The following CSMD3 variants were observed in gnomAD, a reference collection of about 807,000 sequenced individuals.
CSMD3 encodes the protein CUB and Sushi multiple domains 3.
CSMD3 carries 177 observed loss-of-function variants against 435.2 expected under a neutral mutation model. The observed-to-expected ratio is 0.41, with a 90% CI of 0.36 to 0.46. The LOEUF (loss-of-function observed/expected upper bound fraction) is 0.46. Among genes scored for constraint, CSMD3 ranks in the 20% least tolerant of loss-of-function variants. CSMD3 has a pLI of 0.34. For synonymous variants in CSMD3, 1,656 were observed against 1,520.5 expected (o/e 1.09, Z -2.07); for missense variants, 4,265 against 4,504.6 (o/e 0.95, Z 1.52).
chr8:112,973,337 A>T (rs1480023767), intron 7 of CSMD3, among the ~76,000 whole-genome samples: 2 of 151,952 alleles, frequency 1.3e-5, no homozygotes, highest in East Asian at 3.8e-4. Context: ...TTGAAAAAGT[A>T]ACTTAAAAGA....
chr8:112,286,912 T>C (rs527782485), intron 58 of CSMD3, 152 bp downstream of exon 58: 2 of 687,808 alleles, frequency 2.9e-6, no homozygotes, highest in East Asian at 2.7e-5. Flanking sequence ...TCTTAGGAGA[T>C]GGTTACAGTA....
At chr8:112,506,403 G>C (rs575142627) in intron 29 of CSMD3, among the ~76,000 whole-genome samples, 84 of 152,186 alleles carry the variant, frequency 5.5e-4, no homozygotes, top group African/African-American at 1.6e-3. Context: ...AAATCACTGA[G>C]TTGCTATTAC....
At chr8:113,191,219 A>G (rs533804061) in intron 3 of CSMD3, among the ~76,000 whole-genome samples, 10 of 151,976 alleles carry the variant, frequency 6.6e-5, no homozygotes, top group Admixed American at 5.9e-4. Flanking sequence ...ATTCCATGAT[A>G]GTTTCTATGG....
At chr8:112,397,856 C>T in intron 35 of CSMD3, among the ~76,000 whole-genome samples, 1 of 152,208 alleles carries the variant, frequency 6.6e-6, no homozygotes, top group East Asian at 1.9e-4. Context: ...ATGCAAAATA[C>T]ATTCATTCCA....
intron 66 of CSMD3, among the ~76,000 whole-genome samples, chr8:112,240,905 T>C (rs1225340928): frequency 1.3e-5 from 2 of 152,056 alleles, no homozygotes; most frequent in Non-Finnish European, 1.5e-5. Flanking sequence ...CTCGCATCCA[T>C]GTAAGACAGG....
intron 43 of CSMD3, 111 bp from the exon 44 acceptor site, chr8:112,336,940 CTTG>C: frequency 1.2e-6 from 1 of 868,860 alleles, no homozygotes; most frequent in Non-Finnish European, 1.9e-6. Context: ...ACATTTATGC[CTTG>C]TTTTTACTTC....
chr8:112,960,091 A>G (rs901121174), intron 7 of CSMD3, among the ~76,000 whole-genome samples: 1 of 151,828 alleles, frequency 6.6e-6, no homozygotes, highest in Non-Finnish European at 1.5e-5. Flanking sequence ...GGGGAGTTAT[A>G]AAATTATTTA....
At chr8:113,112,797 T>G (rs1420820310) in intron 4 of CSMD3, among the ~76,000 whole-genome samples, 2 of 152,094 alleles carry the variant, frequency 1.3e-5, no homozygotes, top group East Asian at 3.9e-4. Flanking sequence ...TGGGATTTTT[T>G]GTTTAGTTTT....
chr8:112,773,207 G>A (rs994688057), intron 13 of CSMD3, among the ~76,000 whole-genome samples: 2 of 151,992 alleles, frequency 1.3e-5, no homozygotes, highest in Non-Finnish European at 2.9e-5. Context: ...AAATGGATCA[G>A]AGAGAAAGTA....
rs190491073 is a variant in CSMD3, at chr8:112,784,462, A to G, written c.1972+15700T>C. Among the ~76,000 whole-genome samples, 167 of 152,124 alleles carry G rather than the reference A, an allele frequency of 1.1e-3. 2 individuals carry two copies. Among genetic ancestry groups the G allele is most frequent in the African/African-American group, 3.9e-3 (164 of 41,576 alleles). ...AAGAAAATTGAAACAAAAAAAATAC[A>G]AAAGTTCAACAAAATGAAAATTTGT... is the stretch of plus-strand genomic sequence containing the variant. On this transcript the variant is annotated intron_variant, in intron 13 of 70. Transcript: ENST00000297405.
At chr8:113,270,525 C>G (rs981338741) in intron 3 of CSMD3, among the ~76,000 whole-genome samples, 1 of 152,052 alleles carries the variant, frequency 6.6e-6, no homozygotes, top group Non-Finnish European at 1.5e-5. Context: ...CACATGCACA[C>G]GTATGTTTAT....
chr8:113,435,902 T>C (rs1287052864), intron 1 of CSMD3, among the ~76,000 whole-genome samples: 1 of 151,918 alleles, frequency 6.6e-6, no homozygotes, highest in Non-Finnish European at 1.5e-5. Flanking sequence ...CATTTTTACA[T>C]CCCACCTACC....
intron 2 of CSMD3, among the ~76,000 whole-genome samples, chr8:113,303,822 T>C (rs910315606): frequency 1.4e-5 from 2 of 140,940 alleles, no homozygotes; most frequent in African/African-American, 2.6e-5. Context: ...GAAGAAAACC[T>C]AGGCATTACC....
chr8:112,491,153 A>G (rs759492344), intron 31 of CSMD3, among the ~76,000 whole-genome samples: 9 of 152,184 alleles, frequency 5.9e-5, no homozygotes, highest in Non-Finnish European at 5.9e-5. Flanking sequence ...CTTATAAGTG[A>G]ATACATTCTA....
At chr8:112,568,404 C>A (rs1035056156) in intron 24 of CSMD3, among the ~76,000 whole-genome samples, 19 of 151,726 alleles carry the variant, frequency 1.3e-4, no homozygotes, top group African/African-American at 4.4e-4. Context: ...ACCAGCCTGG[C>A]CAATATGGCA....
chr8:113,419,594 A>C (rs1183173353), intron 1 of CSMD3, among the ~76,000 whole-genome samples: 1 of 152,136 alleles, frequency 6.6e-6, no homozygotes, highest in Non-Finnish European at 1.5e-5. Context: ...TCTGGAGTGC[A>C]GCTTTTCCTC....
intron 13 of CSMD3, among the ~76,000 whole-genome samples, chr8:112,760,813 G>C (rs1365554855): frequency 1.3e-5 from 2 of 152,088 alleles, no homozygotes; most frequent in Non-Finnish European, 2.9e-5. Flanking sequence ...GGGAGGGATA[G>C]CCCAGCAGAT....
At chr8:112,504,478 C>T (rs1043647488) in intron 29 of CSMD3, among the ~76,000 whole-genome samples, 1 of 152,000 alleles carries the variant, frequency 6.6e-6, no homozygotes, top group Non-Finnish European at 1.5e-5. Context: ...CAGATATGGA[C>T]AAAAGCTGAA....
chr8:112,676,113 T>C (rs2075764980), intron 16 of CSMD3, among the ~76,000 whole-genome samples: 1 of 152,032 alleles, frequency 6.6e-6, no homozygotes, highest in Non-Finnish European at 1.5e-5. Flanking sequence ...GGGAGACATA[T>C]CAGTTTCAGA....
Sources: gnomAD v4.1 joint callset for allele counts (sites outside exome capture counted in the v4.1 genomes callset) on GRCh38, gnomAD v4.1.1 for gene constraint, MANE v1.5 for transcripts, NCBI Gene and HGNC (gene_info 2026-07-23, HGNC 2026-07-21) for gene names.